Variants in ATP12A observed in about 807,000 individuals in gnomAD.
ATP12A encodes the protein ATPase H+/K+ transporting non-gastric alpha2 subunit.
In ATP12A, 81 loss-of-function variants were observed where a neutral mutation model predicts 111.2. The observed-to-expected ratio is 0.73, with a 90% CI of 0.61 to 0.88. ATP12A has a LOEUF of 0.88. Among genes scored for constraint, ATP12A ranks in the 40% least tolerant of loss-of-function variants. The probability of loss-of-function intolerance (pLI) is 0.00; values close to 1 mark genes in which losing one functional copy is unlikely to be tolerated. For synonymous variants in ATP12A, 498 were observed against 499.8 expected, an observed-to-expected ratio of 1.00 and a Z score of 0.05; for missense variants, 1,196 against 1,313.1, an observed-to-expected ratio of 0.91 and a Z score of 1.38.
intron 14 of ATP12A, among the ~76,000 whole-genome samples, chr13:24,703,086 A>C (rs1875464233): frequency 2.0e-5 from 3 of 152,268 alleles, no homozygotes; most frequent in Admixed American, 2.0e-4. Context: ...CTCTGGGCAC[A>C]GCAGCAGTAC....
At position 24,709,677 on chromosome 13, in the gene ATP12A, T is replaced by G. The variant is rs1380446088; in HGVS notation, c.2618-6T>G. On this transcript the variant is annotated splice_region_variant and splice_polypyrimidine_tract_variant and intron_variant, in intron 18 of 22. Transcript: ENST00000381946. ...AACCTGTGTCCTATCTCTCTTGTTC[T>G]TTCAGGCCTCATGCAAGCCCTGGGA... 1 of 1,614,134 alleles carries G rather than the reference T, an allele frequency of 6.2e-7. No homozygotes were observed. Among genetic ancestry groups the G allele is most frequent in the Non-Finnish European group, 8.5e-7 (1 of 1,179,960 alleles).
chr13:24,685,504 G>A lies in ATP12A; in HGVS notation c.228+131G>A. The A allele has an allele frequency of 1.2e-6, 1 of 831,352 alleles. No individual in the cohort carries two copies. The highest frequency in any genetic ancestry group is 2.0e-6 in the Non-Finnish European group (1 of 496,716). 51.5% of individuals were successfully genotyped at this position (831,352 alleles called of 1,614,324 possible). On this transcript the variant is annotated intron_variant, in intron 3 of 22. Transcript: ENST00000381946. The surrounding 1 kb of genome is among the most constrained non-coding windows in gnomAD (Gnocchi z 5.5). ...GGAGGGGCCCCTGCAGCGCCTTTGA[G>A]ACTGCAGTTATTTGCATCTGGACAC... is the stretch of plus-strand genomic sequence containing the variant.
Position 24,707,101 on chromosome 13 carries a change from G to A in ATP12A, c.2248G>A (p.Gly750Arg). The A allele has an allele frequency of 6.2e-7, 1 of 1,614,120 alleles. No individual in the cohort carries two copies. The highest frequency in any genetic ancestry group is 8.5e-7 in the Non-Finnish European group (1 of 1,180,018). ...GAAGGCAGACATTGGGATTGCCATGGGGATAGCAGGTTCTGATGCAGCCAA... is the reference window on the plus strand; with the variant it reads ...GAAGGCAGACATTGGGATTGCCATGAGGATAGCAGGTTCTGATGCAGCCAA... ...LKKADIGIAM[G>R]IAGSDAAKNA... The change falls in exon 16 of 23, where the codon GGG becomes AGG. Residue 750 changes from glycine to arginine, a missense_variant. Physicochemically the swap from Gly to Arg is moderately radical, Grantham distance 125. Transcript: ENST00000381946.
Position 24,710,851 on chromosome 13 carries a change from A to G in ATP12A, c.2957A>G (p.Tyr986Cys), listed in dbSNP as rs556670310. The G allele has an allele frequency of 1.9e-6, 3 of 1,614,230 alleles. No homozygotes were observed. The highest frequency in any genetic ancestry group is 4.5e-5 in the East Asian group (2 of 44,892). The change falls in exon 21 of 23, where the codon TAT becomes TGT. Residue 986 changes from tyrosine (Y) to cysteine (C), a missense_variant. Physicochemically the swap from Tyr to Cys is radical, Grantham distance 194 (BLOSUM62 -2). Coordinates refer to ENST00000381946, the MANE Select transcript of ATP12A (RefSeq NM_001676.7). The part of the protein sequence containing the change: ...SQIIIGLILS[Y>C]GLGSVTALSF... The stretch of plus-strand genomic sequence containing the variant: ...ATCATCATTGGTCTGATCCTCTCCT[A>G]TGGCCTCGGAAGTGTCACAGCCTTG...
chr13:24,708,946 A>AAAGAAAGAAAGAGAGG (rs1875818408), intron 17 of ATP12A, among the ~76,000 whole-genome samples: 8 of 100,234 alleles, frequency 8.0e-5, no homozygotes, highest in Admixed American at 2.8e-4. Context: ...AGAAAGAAAG[A>AAAGAAAGAAAGAGAGG]AAGAAAGAAA....
chr13:24,709,500 C>A lies in ATP12A; in HGVS notation c.2617+13C>A, dbSNP rs199898479. ...TACCTGCACATTGGTACGATGAGGG[C>A]GCGTCTTCCCCATCACACGAGGGCC... On this transcript the variant is annotated intron_variant, in intron 18 of 22. Transcript: ENST00000381946. 6.7e-4 allele frequency: 1,080 copies of A among 1,611,328 alleles called. No individual in the cohort carries two copies. Among genetic ancestry groups the A allele is most frequent in the Non-Finnish European group, 8.3e-4 (981 of 1,177,910 alleles).
chr13:24,701,831 C>A, intron 13 of ATP12A, 104 bp from the exon 14 acceptor site: 1 of 1,458,046 alleles, frequency 6.9e-7, no homozygotes, highest in Non-Finnish European at 9.4e-7. Context: ...AATCACCAAC[C>A]ACGTTCTCCC....
At chr13:24,697,644 A>C (rs1229394203) in intron 11 of ATP12A, among the ~76,000 whole-genome samples, 1 of 138,326 alleles carries the variant, frequency 7.2e-6, no homozygotes, top group African/African-American at 2.5e-5. Context: ...CGTCTCAAAA[A>C]AAAAAAAAAA....
At chr13:24,682,769 C>T (rs190347920) in intron 2 of ATP12A, among the ~76,000 whole-genome samples, 2 of 152,272 alleles carry the variant, frequency 1.3e-5, no homozygotes, top group East Asian at 3.9e-4. Flanking sequence ...CACTTCTCCA[C>T]TGAGCTGAAA....
chr13:24,686,606 G>A (rs1460443994), intron 3 of ATP12A, among the ~76,000 whole-genome samples: 1 of 152,098 alleles, frequency 6.6e-6, no homozygotes, highest in East Asian at 1.9e-4. Flanking sequence ...GGGCACGGTG[G>A]CGGGCGCCTG....
chr13:24,688,055 G>A (rs1456268722), intron 3 of ATP12A, among the ~76,000 whole-genome samples: 1 of 152,136 alleles, frequency 6.6e-6, no homozygotes, highest in Admixed American at 6.5e-5. Context: ...AGGAATAATG[G>A]CCCCTGCCTC....
intron 11 of ATP12A, among the ~76,000 whole-genome samples, chr13:24,695,735 G>A (rs1875125875): frequency 1.3e-5 from 2 of 151,048 alleles, no homozygotes; most frequent in South Asian, 2.1e-4. Flanking sequence ...AGCCTCCTGA[G>A]TAGCTGGGAC....
intron 14 of ATP12A, among the ~76,000 whole-genome samples, chr13:24,704,158 C>T (rs764684047): frequency 2.0e-5 from 3 of 152,094 alleles, no homozygotes; most frequent in Admixed American, 6.5e-5. Flanking sequence ...CCACCACACC[C>T]GGCTAGTTTT....
At chr13:24,697,222 T>A (rs1566074045) in intron 11 of ATP12A, among the ~76,000 whole-genome samples, 1 of 152,198 alleles carries the variant, frequency 6.6e-6, no homozygotes, top group Non-Finnish European at 1.5e-5. Flanking sequence ...ATAGTACCCA[T>A]GGCCTTAAAG....
At position 24,700,752 on chromosome 13, in the gene ATP12A, T is replaced by C. The variant is rs758819737; in HGVS notation, c.1711T>C (p.Cys571Arg). Residue 571 changes from cysteine to arginine, a missense_variant, in exon 13 of 23, where the codon TGT becomes CGT. By Grantham distance (180) the Cys-to-Arg change is radical. This residue lies in a region of ATP12A where 1,126 missense variants were observed against 1,228.5 expected (regional missense o/e 0.92). Transcript: ENST00000381946. ...GGLGERVLGFCHLYLPADEFP... is the reference protein window; with the variant it reads ...GGLGERVLGFRHLYLPADEFP... ...CTAATTCATCTGTATTACAGGTTTC[T>C]GTCATCTCTACCTGCCAGCAGACGA... The C allele has an allele frequency of 1.9e-6, 3 of 1,613,626 alleles. No individual in the cohort carries two copies. The highest frequency in any genetic ancestry group is 1.1e-5 in the South Asian group (1 of 91,020).
rs538137329 is a variant in ATP12A, at chr13:24,711,797, T to C, written c.*275T>C. 5.0e-5 allele frequency: 26 copies of C among 518,512 alleles called. No homozygotes were observed. The South Asian group carries it at 5.5e-4, about 11-fold the overall frequency. The allele number at this position is 518,512 out of a possible 1,614,324, so 32.1% of individuals were successfully genotyped here. A position where few individuals can be genotyped will look rare whatever the true frequency, so the allele number is the denominator to read the frequency against. On this transcript the variant is annotated 3_prime_UTR_variant, in exon 23 of 23. Transcript: ENST00000381946. ...AATGGTATAGGGAAGAATGTGTTTA[T>C]GTGTATTTGAAACTCCTTGATGTTA... is the stretch of plus-strand genomic sequence containing the variant.
intron 13 of ATP12A, 152 bp downstream of exon 13, chr13:24,701,074 T>A: frequency 2.1e-6 from 2 of 938,390 alleles, no homozygotes; most frequent in Non-Finnish European, 3.1e-6. Context: ...CTAAGGTTAC[T>A]GAAACTGTCC....
rs1875854965 is a variant in ATP12A at position 24,709,386 on chromosome 13, A to C, written c.2516A>C (p.Tyr839Ser). The C allele has an allele frequency of 6.2e-7, 1 of 1,610,534 alleles. No individual in the cohort carries two copies. Among genetic ancestry groups the C allele is most frequent in the East Asian group, 2.2e-5 (1 of 44,648 alleles). ...TAGATCCCCTCCATTGCCTTGGCGT[A>C]CGAGAAAGCTGAAAGTGACATCATG... ...TDIIPSIALA[Y>S]EKAESDIMNR... Residue 839 changes from tyrosine (Y) to serine (S), a missense_variant, in exon 18 of 23, where the codon TAC (tyrosine) becomes TCC (serine). By Grantham distance (144) the Tyr-to-Ser change is moderately radical. Around this residue, in one of 3 missense-constraint regions of ATP12A, gnomAD observed 1,126 missense variants for 1,228.5 expected, o/e 0.92. Coordinates refer to ENST00000381946, the MANE Select transcript of ATP12A (RefSeq NM_001676.7).
intron 2 of ATP12A, among the ~76,000 whole-genome samples, chr13:24,684,906 G>A (rs960924994): frequency 4.6e-5 from 7 of 152,184 alleles, no homozygotes; most frequent in Non-Finnish European, 8.8e-5. Context: ...CCCAGGAAGC[G>A]GTTCTAGTGT....
Sources: gnomAD v4.1 joint callset for allele counts (sites outside exome capture counted in the v4.1 genomes callset) on GRCh38, gnomAD v4.1.1 for gene constraint, gnomAD v4.1.1 regional missense constraint, Gnocchi (gnomAD v3.1) non-coding constraint, MANE v1.5 for transcripts, NCBI Gene and HGNC (gene_info 2026-07-23, HGNC 2026-07-21) for gene names.